DSCAML1: variants seen among roughly 807,000 people sequenced by gnomAD.
DSCAML1 encodes the protein DS cell adhesion molecule like 1.
In DSCAML1, 38 loss-of-function variants were observed where a neutral mutation model predicts 200.5. That is an observed-to-expected ratio of 0.19 (90% CI 0.15 to 0.25). The LOEUF (loss-of-function observed/expected upper bound fraction) is 0.25. Among genes scored for constraint, DSCAML1 ranks in the 10% least tolerant of loss-of-function variants. The probability of loss-of-function intolerance (pLI) is 1.00; values close to 1 mark genes in which losing one functional copy is unlikely to be tolerated. For synonymous variants in DSCAML1, 1,215 were observed against 1,165.0 expected, an observed-to-expected ratio of 1.04 and a Z score of -0.87; for missense variants, 2,223 against 2,858.8, an observed-to-expected ratio of 0.78 and a Z score of 5.07.
At chr11:117,523,959 C>A (rs1280790071) in intron 5 of DSCAML1, among the ~76,000 whole-genome samples, 6 of 152,234 alleles carry the variant, frequency 3.9e-5, no homozygotes, top group African/African-American at 1.2e-4. Flanking sequence ...GAGAGTCAGA[C>A]TCTTGATGCC....
At position 117,808,398 on chromosome 11, in the gene DSCAML1, T is replaced by C. The variant is rs185804966; in HGVS notation, c.-250+8992A>G. 1.2e-4 allele frequency among the ~76,000 whole-genome samples: 18 copies of C among 152,174 alleles called. No individual in the cohort carries two copies. The East Asian group carries it at 2.9e-3, about 25-fold the overall frequency. On this transcript the variant is annotated intron_variant, in intron 1 of 2. Coordinates refer to the DSCAML1 transcript ENST00000525836. ...GTCCCTGCCCCTCTGGAAAAGATAA[T>C]AGGCGCATGCCCGAAGCCCCTGGCA...
intron 1 of DSCAML1, among the ~76,000 whole-genome samples, chr11:117,808,029 C>A (rs767933990): frequency 6.6e-6 from 1 of 152,182 alleles, no homozygotes; most frequent in Non-Finnish European, 1.5e-5. Context: ...ACTTTGTAGG[C>A]CAGGCTGGTC....
chr11:117,661,447 T>A (rs149220678), intron 3 of DSCAML1, among the ~76,000 whole-genome samples: 1 of 152,244 alleles, frequency 6.6e-6, no homozygotes, highest in African/African-American at 2.4e-5. Context: ...CTCTACTCAC[T>A]GTAACTTTTG....
chr11:117,705,321 T>C lies in DSCAML1; in HGVS notation c.511+71470A>G, dbSNP rs148100316. The stretch of plus-strand genomic sequence containing the variant: ...GGACAAGCCTAACTGAAAGCCGATG[T>C]ACTCTAAGCATGAATGTTGTTTTTC... On this transcript the variant is annotated intron_variant, in intron 3 of 32. Coordinates refer to ENST00000651296, the MANE Select transcript of DSCAML1 (RefSeq NM_020693.4). Among the ~76,000 whole-genome samples the C allele has an allele frequency of 3.9e-5, 6 of 152,368 alleles. No homozygotes were observed. The East Asian group carries it at 1.2e-3, about 29-fold the overall frequency.
At chr11:117,697,625 C>T (rs2053606247) in intron 3 of DSCAML1, among the ~76,000 whole-genome samples, 1 of 152,068 alleles carries the variant, frequency 6.6e-6, no homozygotes, top group African/African-American at 2.4e-5. Context: ...TGGCAACCAC[C>T]CTTCTATTTT....
At chr11:117,591,439 G>T (rs1565812030) in intron 3 of DSCAML1, among the ~76,000 whole-genome samples, 1 of 152,210 alleles carries the variant, frequency 6.6e-6, no homozygotes, top group Non-Finnish European at 1.5e-5. Flanking sequence ...GGAGACATCT[G>T]TTCAGCACAT....
At chr11:117,614,003 A>G (rs2137536554) in intron 3 of DSCAML1, among the ~76,000 whole-genome samples, 1 of 152,200 alleles carries the variant, frequency 6.6e-6, no homozygotes, top group East Asian at 1.9e-4. Flanking sequence ...TCTCTGGGTG[A>G]AGGAGGGGCT....
intron 3 of DSCAML1, among the ~76,000 whole-genome samples, chr11:117,718,853 G>A (rs1346428665): frequency 4.6e-5 from 7 of 152,184 alleles, no homozygotes; most frequent in South Asian, 2.1e-4. Context: ...TTCAGTTGGG[G>A]TCAGCAAACT....
At chr11:117,609,136 T>C (rs970212318) in intron 3 of DSCAML1, among the ~76,000 whole-genome samples, 4 of 151,908 alleles carry the variant, frequency 2.6e-5, no homozygotes, top group African/African-American at 9.7e-5. Context: ...GAGGCAGATG[T>C]TGCAGTGAGC....
intron 3 of DSCAML1, among the ~76,000 whole-genome samples, chr11:117,591,076 AATT>A (rs1436835736): frequency 6.6e-6 from 1 of 152,212 alleles, no homozygotes; most frequent in Non-Finnish European, 1.5e-5. Context: ...AATTTGTAAT[AATT>A]ATTTTGAGAA....
At chr11:117,466,985 G>A (rs1176521885) in intron 16 of DSCAML1, among the ~76,000 whole-genome samples, 1 of 152,220 alleles carries the variant, frequency 6.6e-6, no homozygotes, top group East Asian at 1.9e-4. Flanking sequence ...GGTGAAGGCT[G>A]AGGCCCGAAT....
chr11:117,573,758 G>A lies in DSCAML1; in HGVS notation c.512-41236C>T, dbSNP rs897690359. Among the ~76,000 whole-genome samples, 21 of 152,378 alleles carry A rather than the reference G, an allele frequency of 1.4e-4. 1 individual carries two copies. The South Asian group carries it at 4.4e-3, about 32-fold the overall frequency. The stretch of plus-strand genomic sequence containing the variant: ...TACGCTTCCAGAAGACAGCCAAAGG[G>A]TGGTATCTCAAGAAGAGCATTGAAG... On this transcript the variant is annotated intron_variant, in intron 3 of 32. Coordinates refer to ENST00000651296, the MANE Select transcript of DSCAML1 (RefSeq NM_020693.4).
intron 1 of DSCAML1, among the ~76,000 whole-genome samples, chr11:117,788,260 C>T (rs1282818795): frequency 1.3e-5 from 2 of 152,180 alleles, no homozygotes; most frequent in Non-Finnish European, 2.9e-5. Context: ...ACTACCTTCC[C>T]CATCACAGTG....
intron 26 of DSCAML1, among the ~76,000 whole-genome samples, chr11:117,436,232 C>A (rs1294942857): frequency 6.6e-6 from 1 of 152,126 alleles, no homozygotes; most frequent in Admixed American, 6.5e-5. Context: ...AAAACCACTA[C>A]AAACCCTACA....
At chr11:117,444,099 T>A (rs973550861) in intron 20 of DSCAML1, 60 bp from the exon 21 acceptor site, 3 of 1,544,418 alleles carry the variant, frequency 1.9e-6, no homozygotes, top group Non-Finnish European at 2.6e-6. Flanking sequence ...AGCGTCCAAA[T>A]CTTCCTCAGT....
At chr11:117,585,342 C>T (rs971119230) in intron 3 of DSCAML1, among the ~76,000 whole-genome samples, 7 of 152,046 alleles carry the variant, frequency 4.6e-5, no homozygotes, top group Non-Finnish European at 7.4e-5. Context: ...CCCAGCCTCC[C>T]GGGTTCAAGC....
chr11:117,785,202 G>A (rs927396054), intron 1 of DSCAML1, among the ~76,000 whole-genome samples: 3 of 152,226 alleles, frequency 2.0e-5, no homozygotes, highest in Non-Finnish European at 2.9e-5. Context: ...AGCTTGTAAA[G>A]GACAGGGGGA....
At chr11:117,670,910 C>T (rs1451968685) in intron 3 of DSCAML1, among the ~76,000 whole-genome samples, 1 of 152,126 alleles carries the variant, frequency 6.6e-6, no homozygotes, top group African/African-American at 2.4e-5. Flanking sequence ...GAAGGGAAGG[C>T]ACCCAGAGGG....
intron 21 of DSCAML1, among the ~76,000 whole-genome samples, chr11:117,442,851 A>C (rs549925018): frequency 1.3e-5 from 2 of 151,436 alleles, no homozygotes; most frequent in East Asian, 3.9e-4. Flanking sequence ...GAGCTAGCTC[A>C]CTCCTTCCCG....
Sources: allele counts gnomAD v4.1 joint callset (sites outside exome capture counted in the v4.1 genomes callset), GRCh38; gene constraint gnomAD v4.1.1; transcripts MANE v1.5; gene names NCBI Gene and HGNC (gene_info 2026-07-23, HGNC 2026-07-21).